NNT: variants seen among roughly 807,000 people sequenced by gnomAD.
NNT encodes the protein NAD(P) transhydrogenase, mitochondrial.
NNT carries 50 observed loss-of-function variants against 104.8 expected under a neutral mutation model. That is an observed-to-expected ratio of 0.48 (90% CI 0.38 to 0.60). The LOEUF is 0.60. NNT is among the 20% of genes least tolerant of loss of function. The pLI is 0.00. For synonymous variants in NNT, 461 were observed against 490.4 expected (o/e 0.94, Z 0.79); for missense variants, 1,131 against 1,330.7 (o/e 0.85, Z 2.33).
intron 1 of NNT, among the ~76,000 whole-genome samples, chr5:43,604,095 G>A (rs942260797): frequency 6.6e-6 from 1 of 152,214 alleles, no homozygotes; most frequent in Non-Finnish European, 1.5e-5. Flanking sequence ...CAGTGGCTTT[G>A]GGTGAGGTCA....
At chr5:43,682,427 T>C (rs924305821) in intron 19 of NNT, among the ~76,000 whole-genome samples, 12 of 152,150 alleles carry the variant, frequency 7.9e-5, no homozygotes, top group African/African-American at 2.9e-4. Flanking sequence ...GCCAGGCTGG[T>C]CTCAAACTCC....
At position 43,704,463 on chromosome 5, in the gene NNT, A is replaced by C; in HGVS notation, c.*59A>C. 6.4e-7 allele frequency: 1 copy of C among 1,563,884 alleles called. No individual in the cohort carries two copies. Among genetic ancestry groups the C allele is most frequent in the Non-Finnish European group, 8.8e-7 (1 of 1,139,816 alleles). On this transcript the variant is annotated 3_prime_UTR_variant, in exon 22 of 22. Coordinates refer to ENST00000344920, the MANE Select transcript of NNT (RefSeq NM_182977.3). ...ACCTCTGCAGTTTTGGGAACAGGCA[A>C]ATAAAGTATCAGTATACATGGTGAT...
rs916546539 is a variant in NNT, at chr5:43,707,116, TA to T, written c.*2714del. 3 of 148,464 alleles carry T rather than the reference TA, an allele frequency of 2.0e-5. No homozygotes were observed. The highest frequency in any genetic ancestry group is 4.4e-5 in the Non-Finnish European group (3 of 67,502). The allele number at this position is 148,464 out of a possible 1,614,324, so 9.2% of individuals were successfully genotyped here. On this transcript the variant is annotated 3_prime_UTR_variant, in exon 22 of 22. Transcript: ENST00000344920. ...CACATGTACCCTAGAACTTAAAGTA[TA>T]ATTAAAAAAAAAAAGAAAACAGAAG...
chr5:43,680,878 C>G (rs77440261), intron 19 of NNT, among the ~76,000 whole-genome samples: 1 of 151,952 alleles, frequency 6.6e-6, no homozygotes. Flanking sequence ...AATCTTACGA[C>G]GTAAGAGCCA....
chr5:43,624,656 A>G (rs1486426830), intron 6 of NNT, among the ~76,000 whole-genome samples: 1 of 152,208 alleles, frequency 6.6e-6, no homozygotes, highest in Non-Finnish European at 1.5e-5. Context: ...GTACTTGGTT[A>G]TGTATACTGT....
chr5:43,654,424 T>C (rs921047355), intron 14 of NNT, among the ~76,000 whole-genome samples: 5 of 152,270 alleles, frequency 3.3e-5, no homozygotes, highest in Non-Finnish European at 7.3e-5. Flanking sequence ...GCAAATAATC[T>C]TCCAGTATTT....
At chr5:43,605,059 A>C (rs1749133495) in intron 1 of NNT, among the ~76,000 whole-genome samples, 1 of 152,206 alleles carries the variant, frequency 6.6e-6, no homozygotes, top group Non-Finnish European at 1.5e-5. Flanking sequence ...AATAAGTTGC[A>C]GAGTGGGGCT....
In NNT at chr5:43,650,537, C is replaced by T. The variant is rs1193767620; in HGVS notation, c.1667C>T (p.Ser556Phe). The part of the protein sequence containing the change: ...MGGHLYPSTT[S>F]QGLAALAAFI... ...GGACATTTGTATCCTTCCACAACTTCTCAGGGCCTTGCTGCTCTTGCTGCA... is the reference window on the plus strand; with the variant it reads ...GGACATTTGTATCCTTCCACAACTTTTCAGGGCCTTGCTGCTCTTGCTGCA... The change falls in exon 12 of 22, where the codon TCT becomes TTT. Residue 556 changes from serine to phenylalanine, a missense_variant. By Grantham distance (155) the Ser-to-Phe change is radical. Coordinates refer to ENST00000344920, the MANE Select transcript of NNT (RefSeq NM_182977.3). 1 of 1,614,190 alleles carries T rather than the reference C, an allele frequency of 6.2e-7. No homozygotes were observed. The highest frequency in any genetic ancestry group is 1.7e-5 in the Admixed American group (1 of 60,032).
chr5:43,673,669 G>A lies in NNT; in HGVS notation c.2635-1842G>A, dbSNP rs118066085. On this transcript the variant is annotated intron_variant, in intron 17 of 21. Transcript: ENST00000344920. ...TTAAACGTTGGTTTTAAATATGGGA[G>A]GAATGTGTTAGGAATTTAAAACACC... Among the ~76,000 whole-genome samples, 6 of 152,242 alleles carry A rather than the reference G, an allele frequency of 3.9e-5. No individual in the cohort carries two copies. The East Asian group carries it at 9.7e-4, about 25-fold the overall frequency.
At chr5:43,642,591 CAT>C (rs1160271724) in intron 7 of NNT, among the ~76,000 whole-genome samples, 3 of 152,278 alleles carry the variant, frequency 2.0e-5, no homozygotes, top group African/African-American at 7.2e-5. Flanking sequence ...TATAACAAAT[CAT>C]GTGGCAGCGA....
chr5:43,608,621 A>C (rs1260555289), intron 1 of NNT, among the ~76,000 whole-genome samples: 1 of 152,214 alleles, frequency 6.6e-6, no homozygotes, highest in Non-Finnish European at 1.5e-5. Flanking sequence ...CAGAGGTCTC[A>C]GTGGATAAGC....
chr5:43,684,816 A>G (rs16873471), intron 19 of NNT, among the ~76,000 whole-genome samples: 5,693 of 152,322 alleles, frequency 0.037, 218 homozygotes, highest in East Asian at 0.2. Context: ...AAACCAAAGA[A>G]ACTTGCCTTT....
intron 6 of NNT, among the ~76,000 whole-genome samples, chr5:43,624,709 C>T (rs1384500126): frequency 6.6e-6 from 1 of 152,130 alleles, no homozygotes; most frequent in African/African-American, 2.4e-5. Context: ...CCTAGATTGT[C>T]TTTAAAGAGA....
chr5:43,654,907 T>C (rs902438479), intron 14 of NNT, among the ~76,000 whole-genome samples: 2 of 152,226 alleles, frequency 1.3e-5, no homozygotes, highest in African/African-American at 4.8e-5. Flanking sequence ...AAATGTTTGC[T>C]CTGTAGGTTC....
chr5:43,626,647 A>AAC (rs1450193384), intron 6 of NNT, among the ~76,000 whole-genome samples: 4 of 151,944 alleles, frequency 2.6e-5, no homozygotes, highest in African/African-American at 9.7e-5. Context: ...AATAGAGAGA[A>AAC]ACATAAGGAT....
intron 1 of NNT, 136 bp from the exon 2 acceptor site, chr5:43,609,006 TA>T: frequency 2.3e-6 from 1 of 441,290 alleles, no homozygotes; most frequent in Non-Finnish European, 3.9e-6. Context: ...ACTTGGCAAA[TA>T]AATTCTTTAT....
intron 6 of NNT, among the ~76,000 whole-genome samples, chr5:43,626,254 A>G (rs1228107432): frequency 1.3e-5 from 2 of 152,148 alleles, no homozygotes; most frequent in Non-Finnish European, 2.9e-5. Context: ...TTTACATAAC[A>G]TTTACATTTA....
intron 7 of NNT, among the ~76,000 whole-genome samples, chr5:43,629,942 T>G (rs1438759492): frequency 1.3e-5 from 2 of 152,188 alleles, no homozygotes; most frequent in African/African-American, 4.8e-5. Flanking sequence ...TTACTCTGAT[T>G]ATTTCTTTTA....
At chr5:43,697,584 C>G (rs904265313) in intron 19 of NNT, among the ~76,000 whole-genome samples, 3 of 152,176 alleles carry the variant, frequency 2.0e-5, no homozygotes, top group African/African-American at 7.2e-5. Flanking sequence ...CATTTTCATG[C>G]TGCTGATAAA....
Sources: gnomAD v4.1 joint callset for allele counts (sites outside exome capture counted in the v4.1 genomes callset) on GRCh38, gnomAD v4.1.1 for gene constraint, MANE v1.5 for transcripts, NCBI Gene and HGNC (gene_info 2026-07-23, HGNC 2026-07-21) for gene names.